NEO1: variants seen among roughly 807,000 people sequenced by gnomAD.
The protein encoded by NEO1 is neogenin.
Under a neutral mutation model 159.7 loss-of-function variants are expected in NEO1, and 63 were observed. The ratio of observed to expected loss-of-function variants is 0.39; its 90% CI spans 0.32 to 0.49. The LOEUF (loss-of-function observed/expected upper bound fraction) is 0.49, where lower values mean the gene tolerates loss of function less well. Among genes scored for constraint, NEO1 ranks in the 20% least tolerant of loss-of-function variants. The probability of loss-of-function intolerance (pLI) is 0.85; values close to 1 mark genes in which losing one functional copy is unlikely to be tolerated. For missense variants in NEO1, 1,615 were observed against 1,831.0 expected, an observed-to-expected ratio of 0.88 and a Z score of 2.15; for synonymous variants, 633 against 662.0, an observed-to-expected ratio of 0.96 and a Z score of 0.67.
intron 1 of NEO1, among the ~76,000 whole-genome samples, chr15:73,071,733 C>T (rs1368752240): frequency 6.6e-6 from 1 of 152,134 alleles, no homozygotes; most frequent in Non-Finnish European, 1.5e-5. Flanking sequence ...CCAGGCTGGG[C>T]TCAAACTTCT....
At chr15:73,254,422 A>G (rs1398166638) in intron 12 of NEO1, among the ~76,000 whole-genome samples, 2 of 152,148 alleles carry the variant, frequency 1.3e-5, no homozygotes, top group Non-Finnish European at 1.5e-5. Flanking sequence ...TTTATCCAAC[A>G]TCATCTTTCT....
At chr15:73,091,257 C>G (rs970687353) in intron 1 of NEO1, among the ~76,000 whole-genome samples, 22 of 152,208 alleles carry the variant, frequency 1.4e-4, no homozygotes, top group African/African-American at 4.8e-4. Flanking sequence ...TGTGCAGGAA[C>G]CTATTTGAGG....
chr15:73,162,126 G>A (rs1390875162), intron 5 of NEO1: 3 of 225,186 alleles, frequency 1.3e-5, no homozygotes, highest in Admixed American at 8.7e-5. Context: ...TCCACAACCC[G>A]GGTAACCTTG....
At chr15:73,193,213 A>G (rs987392092) in intron 7 of NEO1, among the ~76,000 whole-genome samples, 1 of 152,132 alleles carries the variant, frequency 6.6e-6, no homozygotes, top group Non-Finnish European at 1.5e-5. Flanking sequence ...TGTTGAGTAC[A>G]TGTGCTGTGT....
intron 5 of NEO1, among the ~76,000 whole-genome samples, chr15:73,154,858 A>T (rs1231297676): frequency 6.6e-6 from 1 of 152,124 alleles, no homozygotes; most frequent in Non-Finnish European, 1.5e-5. Context: ...TAACATTGAT[A>T]TGTGAGGTTT....
At chr15:73,062,911 T>C (rs184353248) in intron 1 of NEO1, among the ~76,000 whole-genome samples, 1 of 152,220 alleles carries the variant, frequency 6.6e-6, no homozygotes, top group African/African-American at 2.4e-5. Context: ...GGTTATCTGA[T>C]AGAGATGATA....
chr15:73,150,658 A>G (rs1319720191), intron 5 of NEO1, among the ~76,000 whole-genome samples: 1 of 152,198 alleles, frequency 6.6e-6, no homozygotes, highest in Non-Finnish European at 1.5e-5. Context: ...AAATTTATAT[A>G]CAGTGTAATG....
chr15:73,054,530 C>T (rs1473217271), intron 1 of NEO1, among the ~76,000 whole-genome samples: 1 of 152,158 alleles, frequency 6.6e-6, no homozygotes, highest in African/African-American at 2.4e-5. Flanking sequence ...GTGATAAGCA[C>T]TACAAAGGAG....
intron 15 of NEO1, among the ~76,000 whole-genome samples, chr15:73,263,722 T>C (rs185114006): frequency 7.6e-4 from 115 of 152,308 alleles, no homozygotes; most frequent in Non-Finnish European, 1.4e-3. Flanking sequence ...AGAAGAGTTA[T>C]ATTCATCCTT....
chr15:73,098,691 A>G (rs892232203), intron 1 of NEO1, among the ~76,000 whole-genome samples: 1 of 152,192 alleles, frequency 6.6e-6, no homozygotes, highest in Non-Finnish European at 1.5e-5. Flanking sequence ...TTGTTACTAC[A>G]AGTAGTGGTA....
chr15:73,084,806 G>C (rs1489276493), intron 1 of NEO1, among the ~76,000 whole-genome samples: 3 of 151,834 alleles, frequency 2.0e-5, no homozygotes, highest in Non-Finnish European at 2.9e-5. Flanking sequence ...TGTTTAATGT[G>C]TGTGTGTTTA....
At chr15:73,056,337 C>G (rs1271524322) in intron 1 of NEO1, among the ~76,000 whole-genome samples, 1 of 152,222 alleles carries the variant, frequency 6.6e-6, no homozygotes, top group Non-Finnish European at 1.5e-5. Context: ...TTTTTCTCTA[C>G]CAGCTTTCTC....
intron 15 of NEO1, 76 bp downstream of exon 15, chr15:73,260,541 T>G: frequency 7.6e-7 from 1 of 1,312,130 alleles, no homozygotes; most frequent in Non-Finnish European, 1.0e-6. Flanking sequence ...ATATTTTTAT[T>G]TTTACAAGAA....
intron 1 of NEO1, among the ~76,000 whole-genome samples, chr15:73,076,085 G>A (rs183789870): frequency 4.2e-4 from 64 of 152,274 alleles, no homozygotes; most frequent in Non-Finnish European, 4.7e-4. Context: ...GAGGGAGATC[G>A]TGAAATGATG....
intron 16 of NEO1, among the ~76,000 whole-genome samples, chr15:73,266,807 T>C (rs1056741294): frequency 5.9e-5 from 9 of 152,186 alleles, no homozygotes; most frequent in Non-Finnish European, 1.0e-4. Flanking sequence ...CCCAACATCA[T>C]TTGGTTACTA....
intron 9 of NEO1, 110 bp from the exon 10 acceptor site, chr15:73,248,950 T>G: frequency 1.0e-6 from 1 of 997,370 alleles, no homozygotes; most frequent in Non-Finnish European, 1.5e-6. Context: ...ATTGTTTTCT[T>G]AGCTTCTATT....
At chr15:73,071,238 C>T (rs2068517204) in intron 1 of NEO1, among the ~76,000 whole-genome samples, 1 of 152,030 alleles carries the variant, frequency 6.6e-6, no homozygotes, top group South Asian at 2.1e-4. Context: ...CGTGCCTGGC[C>T]CTAAGCGATT....
intron 1 of NEO1, among the ~76,000 whole-genome samples, chr15:73,109,577 A>G (rs1200723425): frequency 6.7e-6 from 1 of 148,474 alleles, no homozygotes; most frequent in Non-Finnish European, 1.5e-5. Flanking sequence ...TTTTTTTTTT[A>G]TTTGGGGGAG....
intron 1 of NEO1, among the ~76,000 whole-genome samples, chr15:73,077,619 G>T (rs1373681138): frequency 1.3e-5 from 2 of 152,182 alleles, no homozygotes; most frequent in Non-Finnish European, 2.9e-5. Context: ...AACTAATTAT[G>T]ATTCTCTGAT....
Sources: allele counts gnomAD v4.1 joint callset (sites outside exome capture counted in the v4.1 genomes callset), GRCh38; gene constraint gnomAD v4.1.1; transcripts MANE v1.5; gene names NCBI Gene and HGNC (gene_info 2026-07-23, HGNC 2026-07-21).